The following TCIRG1 variants were observed in gnomAD, a reference collection of about 807,000 sequenced individuals.
TCIRG1 encodes the protein T cell immune regulator 1, ATPase H+ transporting V0 subunit a3.
In TCIRG1, 86 loss-of-function variants were observed where a neutral mutation model predicts 95.5. The observed-to-expected ratio is 0.90, with a 90% CI of 0.76 to 1.08. The LOEUF (loss-of-function observed/expected upper bound fraction) is 1.08, where lower values mean the gene tolerates loss of function less well. Among genes scored for constraint, TCIRG1 ranks in the 50% least tolerant of loss-of-function variants. The pLI, the probability that TCIRG1 is intolerant of heterozygous loss-of-function variation, is 0.00. For synonymous variants in TCIRG1, 499 were observed against 501.3 expected (o/e 1.00, Z 0.06); for missense variants, 1,069 against 1,140.2 (o/e 0.94, Z 0.90).
In TCIRG1 at chr11:68,049,122, C is replaced by A; in HGVS notation, c.1715C>A (p.Pro572Gln). The stretch of plus-strand genomic sequence containing the variant: ...CACCGGCTGCTGCTGGAGACGCTGC[C>A]GGAGCTCACCTTCCTGCTGGGACTC... ...QRHRLLLETLPELTFLLGLFG... is the reference protein window; with the variant it reads ...QRHRLLLETLQELTFLLGLFG... Residue 572 changes from proline (P) to glutamine (Q), a missense_variant, in exon 15 of 20, where the codon CCG becomes CAG. Transcript: ENST00000265686. The A allele has an allele frequency of 6.2e-7, 1 of 1,613,768 alleles. No individual in the cohort carries two copies. The highest frequency in any genetic ancestry group is 1.7e-5 in the Admixed American group (1 of 60,034).
At chr11:68,048,167 A>G (rs926408185) in intron 13 of TCIRG1, 195 bp downstream of exon 13, 12 of 654,668 alleles carry the variant, frequency 1.8e-5, no homozygotes, top group Admixed American at 1.1e-4. Context: ...TGCGGAGGCA[A>G]AGCGAGACCA....
chr11:68,049,828 G>T lies in TCIRG1; in HGVS notation c.2013+40G>T, dbSNP rs761180772. On this transcript the variant is annotated intron_variant, in intron 16 of 19. Coordinates refer to ENST00000265686, the MANE Select transcript of TCIRG1 (RefSeq NM_006019.4). ...TAAGGTGTGGGGGGCTGCTTGCGGG[G>T]AGAGGCCACTGTCCGGTGTGTCCCT... The T allele has an allele frequency of 3.9e-6, 6 of 1,557,966 alleles. No individual in the cohort carries two copies. In the South Asian group the frequency reaches 7.0e-5, roughly 18 times the overall value.
chr11:68,051,022 C>G (rs1248443394), downstream of TCIRG1: 2 of 641,386 alleles, frequency 3.1e-6, no homozygotes, highest in East Asian at 5.5e-5. Flanking sequence ...ATGTCAGACT[C>G]TTGGGGTGAA....
chr11:68,042,163 A>G (rs1855198394), intron 3 of TCIRG1, among the ~76,000 whole-genome samples: 1 of 145,542 alleles, frequency 6.9e-6, no homozygotes, highest in East Asian at 2.3e-4. Context: ...TCTCCTCTAC[A>G]GCTGGGCTGG....
Position 68,050,230 on chromosome 11 carries a change from T to G in TCIRG1, c.2212T>G (p.Trp738Gly). ...CAACACCGCCTCCTACCTGCGCCTGTGGGCCCTGAGCCTGGCCCACGCCCG... is the reference window on the plus strand; with the variant it reads ...CAACACCGCCTCCTACCTGCGCCTGGGGGCCCTGAGCCTGGCCCACGCCCG... ...VSNTASYLRL[W>G]ALSLAHAQLS... Residue 738 changes from tryptophan to glycine, a missense_variant, in exon 18 of 20, where the codon TGG becomes GGG. By Grantham distance (184) the Trp-to-Gly change is radical (BLOSUM62 -2). Coordinates refer to ENST00000265686, the MANE Select transcript of TCIRG1 (RefSeq NM_006019.4). The G allele has an allele frequency of 6.2e-7, 1 of 1,613,376 alleles. No homozygotes were observed. Among genetic ancestry groups the G allele is most frequent in the Non-Finnish European group, 8.5e-7 (1 of 1,179,908 alleles).
intron 15 of TCIRG1, 82 bp downstream of exon 15, chr11:68,049,376 C>T: frequency 7.0e-7 from 1 of 1,421,014 alleles, no homozygotes; most frequent in East Asian, 2.3e-5. Context: ...GCTGCAAGAT[C>T]CTCGTCCGAG....
intron 10 of TCIRG1, among the ~76,000 whole-genome samples, chr11:68,045,745 G>T (rs1254234130): frequency 1.3e-5 from 2 of 152,160 alleles, no homozygotes; most frequent in Non-Finnish European, 2.9e-5. Context: ...TAGAGATGGG[G>T]TTTCACCATG....
chr11:68,050,960 T>A, downstream of TCIRG1: 1 of 956,470 alleles, frequency 1.0e-6, no homozygotes, highest in Non-Finnish European at 1.6e-6. Flanking sequence ...AGGCATGGTG[T>A]AGGATCTGGG....
At position 68,050,866 on chromosome 11, in the gene TCIRG1, G is replaced by C. The variant is rs759155740; in HGVS notation, c.*47G>C. The C allele has an allele frequency of 1.3e-6, 2 of 1,597,602 alleles. No individual in the cohort carries two copies. Among genetic ancestry groups the C allele is most frequent in the African/African-American group, 1.3e-5 (1 of 74,830 alleles). Reference sequence around the variant, plus strand: ...GACCTCCTTCCTGACCTCTGAGGCAGGAGAGGAATAAAGACGGTCCGCCCT... The same window carrying C: ...GACCTCCTTCCTGACCTCTGAGGCACGAGAGGAATAAAGACGGTCCGCCCT... On this transcript the variant is annotated 3_prime_UTR_variant, in exon 20 of 20. Coordinates refer to ENST00000265686, the MANE Select transcript of TCIRG1 (RefSeq NM_006019.4).
At position 68,047,860 on chromosome 11, in the gene TCIRG1, G is replaced by T. The variant is rs113368668; in HGVS notation, c.1464-22G>T. ...CCCCGCAGCACCCGCAGCCCTGACC[G>T]CCCTCCCCTGCGTTGCCGCAGTGAT... On this transcript the variant is annotated intron_variant, in intron 12 of 19. Transcript: ENST00000265686. 949 of 1,613,092 alleles carry T rather than the reference G, an allele frequency of 5.9e-4. 6 individuals carry two copies. The African/African-American group carries it at 0.011, about 18-fold the overall frequency.
rs2134443024 is a variant in TCIRG1, at chr11:68,044,460, TCTC to T, written c.1020+121_1020+123del. Reference sequence around the variant, plus strand: ...ACCTGGGCTTTGCCTAGGGGCTCCTTCTCCTCCCAGCCTCCTCCATGGCCCACC... The same window carrying T: ...ACCTGGGCTTTGCCTAGGGGCTCCTTCTCCCAGCCTCCTCCATGGCCCACC... On this transcript the variant is annotated intron_variant, in intron 9 of 19. Coordinates refer to ENST00000265686, the MANE Select transcript of TCIRG1 (RefSeq NM_006019.4). The T allele has an allele frequency of 5.9e-6, 5 of 848,566 alleles. No individual in the cohort carries two copies. The South Asian group carries it at 6.0e-5, about 10-fold the overall frequency. 52.6% of individuals were successfully genotyped at this position (848,566 alleles called of 1,614,324 possible).
chr11:68,047,006 CTTTT>C (rs5792432), intron 10 of TCIRG1: 118 of 327,880 alleles, frequency 3.6e-4, no homozygotes, highest in Middle Eastern at 2.0e-3. Flanking sequence ...GTGGTGGGTT[CTTTT>C]TTTTTTTTTT....
At chr11:68,041,912 G>C in intron 3 of TCIRG1, 81 bp downstream of exon 3, 1 of 1,316,252 alleles carries the variant, frequency 7.6e-7, no homozygotes, top group Non-Finnish European at 1.1e-6. Flanking sequence ...GGAAGAGTCT[G>C]GGTTTGCCAG....
At chr11:68,049,058 C>T (rs1165827170) in intron 14 of TCIRG1, 23 bp from the exon 15 acceptor site, 3 of 1,612,762 alleles carry the variant, frequency 1.9e-6, no homozygotes, top group Non-Finnish European at 2.5e-6. Context: ...CCCCAGTGAG[C>T]ACACCTCCCT....
At chr11:68,044,518 G>A (rs957303618) in intron 9 of TCIRG1, among the ~76,000 whole-genome samples, 174 bp downstream of exon 9, 3 of 152,154 alleles carry the variant, frequency 2.0e-5, no homozygotes, top group Non-Finnish European at 4.4e-5. Context: ...TGATGGCCCT[G>A]GCCCAGCAAG....
downstream of TCIRG1, chr11:68,050,997 A>T (rs894537735): frequency 1.4e-6 from 1 of 701,474 alleles, no homozygotes; most frequent in Admixed American, 2.2e-5. Context: ...CCTGGACCTG[A>T]GCAGATCTGC....
intron 13 of TCIRG1, 28 bp downstream of exon 13, chr11:68,048,000 G>C (rs1018158209): frequency 1.2e-6 from 2 of 1,601,700 alleles, no homozygotes; most frequent in African/African-American, 2.7e-5. Flanking sequence ...GTGTCCGTGG[G>C]TGGTGAAGGC....
intron 1 of TCIRG1, among the ~76,000 whole-genome samples, chr11:68,040,990 G>A (rs1424116075): frequency 1.3e-5 from 2 of 152,214 alleles, no homozygotes; most frequent in African/African-American, 2.4e-5. Flanking sequence ...ACTGGGAGAC[G>A]CTGGAGGTAG....
intron 10 of TCIRG1, among the ~76,000 whole-genome samples, chr11:68,046,177 G>T (rs947045916): frequency 1.3e-5 from 2 of 152,184 alleles, no homozygotes; most frequent in South Asian, 4.1e-4. Flanking sequence ...GGCAGACACG[G>T]TCCCACAGTC....
Sources: allele counts gnomAD v4.1 joint callset (sites outside exome capture counted in the v4.1 genomes callset), GRCh38; gene constraint gnomAD v4.1.1; transcripts MANE v1.5; gene names NCBI Gene and HGNC (gene_info 2026-07-23, HGNC 2026-07-21).